The following SLCO5A1 variants were observed in gnomAD, a reference collection of about 807,000 sequenced individuals.
The protein encoded by SLCO5A1 is solute carrier organic anion transporter family member 5A1, also known as organic anion transporter polypeptide-related protein 4.
Under a neutral mutation model 65.1 loss-of-function variants are expected in SLCO5A1, and 39 were observed. The observed-to-expected ratio is 0.60, with a 90% CI of 0.46 to 0.78. The LOEUF is 0.78. Among genes scored for constraint, SLCO5A1 ranks in the 30% least tolerant of loss-of-function variants. The probability of loss-of-function intolerance (pLI) is 0.00; values close to 1 mark genes in which losing one functional copy is unlikely to be tolerated. For synonymous variants in SLCO5A1, 438 were observed against 415.7 expected, an observed-to-expected ratio of 1.05 and a Z score of -0.65; for missense variants, 1,029 against 1,069.4, an observed-to-expected ratio of 0.96 and a Z score of 0.53.
chr8:69,772,764 A>C (rs1055114422), intron 2 of SLCO5A1, among the ~76,000 whole-genome samples: 3 of 152,162 alleles, frequency 2.0e-5, no homozygotes, highest in African/African-American at 7.2e-5. Context: ...GTAGGGCTGC[A>C]TAGTCACCTC....
At chr8:69,821,823 G>T (rs370245550) in intron 2 of SLCO5A1, among the ~76,000 whole-genome samples, 47 of 138,520 alleles carry the variant, frequency 3.4e-4, no homozygotes, top group African/African-American at 1.3e-3. Context: ...AAAAAAAAAA[G>T]AAAAGAAAAG....
chr8:69,677,322 C>T (rs1007829624), intron 8 of SLCO5A1, among the ~76,000 whole-genome samples: 24 of 152,092 alleles, frequency 1.6e-4, no homozygotes, highest in African/African-American at 5.6e-4. Context: ...TAAAGGGCTC[C>T]TTTTCTGAAA....
chr8:69,701,242 A>G (rs1047315887), intron 6 of SLCO5A1, among the ~76,000 whole-genome samples: 1 of 152,236 alleles, frequency 6.6e-6, no homozygotes, highest in Non-Finnish European at 1.5e-5. Flanking sequence ...AATTCCAGGA[A>G]AATCAGTGTT....
intron 3 of SLCO5A1, among the ~76,000 whole-genome samples, chr8:69,758,791 T>C (rs1817633819): frequency 6.6e-6 from 1 of 151,962 alleles, no homozygotes; most frequent in South Asian, 2.1e-4. Context: ...GCAGTACCTG[T>C]TGGAAAAAGA....
intron 5 of SLCO5A1, among the ~76,000 whole-genome samples, chr8:69,735,146 C>A (rs76473429): frequency 1.3e-5 from 2 of 152,048 alleles, no homozygotes; most frequent in South Asian, 4.2e-4. Flanking sequence ...GTCAGGATGG[C>A]GATTATTAAA....
At chr8:69,700,896 C>T (rs1443145143) in intron 6 of SLCO5A1, among the ~76,000 whole-genome samples, 3 of 151,992 alleles carry the variant, frequency 2.0e-5, no homozygotes, top group Non-Finnish European at 4.4e-5. Flanking sequence ...CCTACACAAC[C>T]TTTTTGTAGC....
At chr8:69,695,157 C>T (rs954055814) in intron 6 of SLCO5A1, among the ~76,000 whole-genome samples, 4 of 152,208 alleles carry the variant, frequency 2.6e-5, no homozygotes, top group Non-Finnish European at 5.9e-5. Context: ...GTATCATCCT[C>T]ATTATCAAAA....
At chr8:69,783,222 T>TA (rs1818875523) in intron 2 of SLCO5A1, among the ~76,000 whole-genome samples, 1 of 152,076 alleles carries the variant, frequency 6.6e-6, no homozygotes, top group South Asian at 2.1e-4. Flanking sequence ...TACAAAAAAA[T>TA]ATAGAAAGAA....
intron 5 of SLCO5A1, among the ~76,000 whole-genome samples, chr8:69,727,844 T>C (rs1295274998): frequency 3.3e-5 from 5 of 152,230 alleles, no homozygotes; most frequent in South Asian, 4.1e-4. Context: ...GAGTATTATG[T>C]GACAAAAATA....
At chr8:69,698,343 A>G (rs1333281595) in intron 6 of SLCO5A1, among the ~76,000 whole-genome samples, 1 of 152,218 alleles carries the variant, frequency 6.6e-6, no homozygotes, top group Non-Finnish European at 1.5e-5. Flanking sequence ...TTATGGTAGA[A>G]TTATTCATAT....
chr8:69,689,908 G>T (rs1408827634), intron 6 of SLCO5A1, among the ~76,000 whole-genome samples: 14 of 152,266 alleles, frequency 9.2e-5, no homozygotes, highest in Admixed American at 6.5e-4. Context: ...GGATGGCATT[G>T]AATCTATAAA....
chr8:69,807,285 T>C (rs1486397049), intron 2 of SLCO5A1, among the ~76,000 whole-genome samples: 1 of 152,256 alleles, frequency 6.6e-6, no homozygotes. Context: ...GATGTACACA[T>C]TGTGGAATGA....
At chr8:69,763,569 A>C (rs988242033) in intron 2 of SLCO5A1, among the ~76,000 whole-genome samples, 9 of 129,680 alleles carry the variant, frequency 6.9e-5, no homozygotes, top group African/African-American at 2.7e-4. Flanking sequence ...GCTGTGAGGC[A>C]TGATCACACC....
chr8:69,692,295 GGCATTTA>G (rs1298640609), intron 6 of SLCO5A1, among the ~76,000 whole-genome samples: 1 of 152,012 alleles, frequency 6.6e-6, no homozygotes, highest in Admixed American at 6.6e-5. Flanking sequence ...ACCTGTATAG[GGCATTTA>G]TCATGAATGG....
In SLCO5A1 at chr8:69,672,812, TCTCAAGTCGCCATTTTCAATTCA is replaced by T; in HGVS notation, c.*34_*56del. On this transcript the variant is annotated 3_prime_UTR_variant, in exon 10 of 10. Transcript: ENST00000260126. ...AGAAAGAAAAGAAGGCACAGTTGTT[TCTCAAGTCGCCATTTTCAATTCA>T]ACCAACAAAACTAAATTCTTCCATT... 1 of 1,534,632 alleles carries T rather than the reference TCTCAAGTCGCCATTTTCAATTCA, an allele frequency of 6.5e-7. No homozygotes were observed.
At position 69,832,880 on chromosome 8, in the gene SLCO5A1, A is replaced by T. The variant is rs1821237103; in HGVS notation, c.-207T>A. 1.6e-5 allele frequency: 10 copies of T among 614,512 alleles called. No homozygotes were observed. The highest frequency in any genetic ancestry group is 2.8e-5 in the Non-Finnish European group (10 of 359,078). 38.1% of individuals were successfully genotyped at this position (614,512 alleles called of 1,614,324 possible). On this transcript the variant is annotated 5_prime_UTR_variant, in exon 2 of 10. Coordinates refer to ENST00000260126, the MANE Select transcript of SLCO5A1 (RefSeq NM_030958.3). This position sits in a 1 kb window ranked among gnomAD's most constrained non-coding sequence, Gnocchi z 4.5. ...CACAGACACGGCTTCAAGGCTCCGCAGCCGCGTGCCACAGGGGGCAGGGGT... is the reference window on the plus strand; with the variant it reads ...CACAGACACGGCTTCAAGGCTCCGCTGCCGCGTGCCACAGGGGGCAGGGGT...
rs565131544 is a variant in SLCO5A1, at chr8:69,803,445, C to T, written c.907+28322G>A. On this transcript the variant is annotated intron_variant, in intron 2 of 9. Coordinates refer to ENST00000260126, the MANE Select transcript of SLCO5A1 (RefSeq NM_030958.3). Reference sequence around the variant, plus strand: ...AAACAAAAATTAGCCCGGCATGGTGCCGGGTTCCTGTAATCCCAGCTACTC... The same window carrying T: ...AAACAAAAATTAGCCCGGCATGGTGTCGGGTTCCTGTAATCCCAGCTACTC... 4.1e-4 allele frequency among the ~76,000 whole-genome samples: 62 copies of T among 151,958 alleles called. No individual in the cohort carries two copies. The South Asian group carries it at 0.012, about 31-fold the overall frequency.
chr8:69,815,557 C>T (rs1171873237), intron 2 of SLCO5A1, among the ~76,000 whole-genome samples: 1 of 151,790 alleles, frequency 6.6e-6, no homozygotes, highest in Non-Finnish European at 1.5e-5. Context: ...CTTTAGAATG[C>T]TGATTAACTG....
chr8:69,733,192 T>C (rs1816413231), intron 5 of SLCO5A1, among the ~76,000 whole-genome samples: 1 of 152,176 alleles, frequency 6.6e-6, no homozygotes. Context: ...CTCAGACCTA[T>C]TCAAAGTGCA....
Sources: allele counts gnomAD v4.1 joint callset (sites outside exome capture counted in the v4.1 genomes callset), GRCh38; gene constraint gnomAD v4.1.1; non-coding constraint Gnocchi (gnomAD v3.1); transcripts MANE v1.5; gene names NCBI Gene and HGNC (gene_info 2026-07-23, HGNC 2026-07-21).